Variants in CDH23 observed in about 807,000 individuals in gnomAD.
CDH23 encodes cadherin related 23, also known as cadherin-23.
In CDH23, 189 loss-of-function variants were observed where a neutral mutation model predicts 317.1. The observed-to-expected ratio is 0.60, with a 90% CI of 0.53 to 0.67. The LOEUF (loss-of-function observed/expected upper bound fraction) is 0.67, where lower values mean the gene tolerates loss of function less well. Ranked by LOEUF, CDH23 falls within the 30% of genes least tolerant of loss-of-function variation. CDH23 has a pLI of 0.00. For missense variants in CDH23, 4,401 were observed against 4,592.4 expected (o/e 0.96, Z 1.20); for synonymous variants, 1,839 against 1,876.8 (o/e 0.98, Z 0.52).
rs577939963 is a variant in CDH23, at chr10:71,560,662, G to A, written c.430-6080G>A. Among the ~76,000 whole-genome samples, 10 of 152,078 alleles carry A rather than the reference G, an allele frequency of 6.6e-5. No individual in the cohort carries two copies. The South Asian group carries it at 1.9e-3, about 28-fold the overall frequency. On this transcript the variant is annotated intron_variant, in intron 6 of 69. Coordinates refer to ENST00000224721, the MANE Select transcript of CDH23 (RefSeq NM_022124.6). ...AGCGGAGGTGTATAAAAATGCAACT[G>A]AGGGCAGAGGATGGGAGGGCAGAAT...
In CDH23 at chr10:71,715,991, G is replaced by A. The variant is rs114813838; in HGVS notation, c.3369+3178G>A. 2,390 of 1,496,500 alleles carry A rather than the reference G, an allele frequency of 1.6e-3. 34 individuals carry two copies. The African/African-American group carries it at 0.03, about 19-fold the overall frequency. The allele number at this position is 1,496,500 out of a possible 1,614,324, so 92.7% of individuals were successfully genotyped here. A position where few individuals can be genotyped will look rare whatever the true frequency, so the allele number is the denominator to read the frequency against. On this transcript the variant is annotated intron_variant, in intron 28 of 69. Coordinates refer to ENST00000224721, the MANE Select transcript of CDH23 (RefSeq NM_022124.6). ...GTGGCTGCGGTTGTCCTCGGGGCCC[G>A]GCAGGGGCTGTCGAGGGACGGTGGG...
intron 11 of CDH23, chr10:71,617,645 A>G: frequency 1.8e-6 from 1 of 559,764 alleles, no homozygotes; most frequent in Non-Finnish European, 2.3e-6. Flanking sequence ...AGTTACATAC[A>G]TGATCATCAT....
At chr10:71,804,481 C>A (rs114017016) in intron 55 of CDH23, among the ~76,000 whole-genome samples, 1 of 152,218 alleles carries the variant, frequency 6.6e-6, no homozygotes. Context: ...CCCCCAAACT[C>A]CACCCAGGCT....
chr10:71,714,786 G>A (rs1866136432), intron 28 of CDH23: 1 of 152,310 alleles, frequency 6.6e-6, no homozygotes. Flanking sequence ...GGTCACAGCA[G>A]GATGGGGGTG....
intron 44 of CDH23, 24 bp downstream of exon 44, chr10:71,785,762 G>A (rs1038124937): frequency 6.9e-7 from 1 of 1,448,152 alleles, no homozygotes; most frequent in Non-Finnish European, 9.6e-7. Flanking sequence ...GCACTGGTGG[G>A]AGTGGGCTGG....
chr10:71,790,744 G>A (rs1046070746), intron 46 of CDH23: 14 of 458,630 alleles, frequency 3.1e-5, no homozygotes, highest in South Asian at 1.6e-4. Context: ...TAGCCAGAGC[G>A]ACTTTCCTGT....
chr10:71,719,781 C>A (rs1866462789), intron 28 of CDH23: 1 of 152,530 alleles, frequency 6.6e-6, no homozygotes, highest in Admixed American at 6.5e-5. Flanking sequence ...AGCAGAGTGG[C>A]CTCCCCGTCA....
chr10:71,585,000 T>G (rs1227992266), intron 9 of CDH23, among the ~76,000 whole-genome samples: 1 of 151,520 alleles, frequency 6.6e-6, no homozygotes, highest in Admixed American at 6.6e-5. Flanking sequence ...GCAGCTGGGG[T>G]CGGGGAAGTG....
At chr10:71,636,905 T>C (rs1862302543) in intron 11 of CDH23, among the ~76,000 whole-genome samples, 2 of 152,134 alleles carry the variant, frequency 1.3e-5, no homozygotes, top group Non-Finnish European at 2.9e-5. Context: ...ATGGGCTTGC[T>C]GGGTACCAGG....
At chr10:71,802,841 C>A (rs1564801697) in intron 53 of CDH23, 57 bp from the exon 54 acceptor site, 7 of 1,585,776 alleles carry the variant, frequency 4.4e-6, no homozygotes, top group South Asian at 2.2e-5. Flanking sequence ...ATGACCAGGT[C>A]CGCTGAGGCT....
At chr10:71,517,125 G>T (rs908933244) in intron 6 of CDH23, among the ~76,000 whole-genome samples, 1 of 152,216 alleles carries the variant, frequency 6.6e-6, no homozygotes, top group African/African-American at 2.4e-5. Context: ...CTCTTGGGCG[G>T]TGTGAGGACA....
At chr10:71,514,553 T>C (rs1297568998) in intron 6 of CDH23, among the ~76,000 whole-genome samples, 1 of 152,150 alleles carries the variant, frequency 6.6e-6, no homozygotes, top group Admixed American at 6.5e-5. Flanking sequence ...CCACTCCCTC[T>C]GAAAGCCTCT....
At chr10:71,444,927 G>C (rs1850084132) in intron 2 of CDH23, among the ~76,000 whole-genome samples, 1 of 152,214 alleles carries the variant, frequency 6.6e-6, no homozygotes, top group South Asian at 2.1e-4. Flanking sequence ...TCCTGGTTGG[G>C]AGGGACTGAG....
chr10:71,497,875 A>G (rs1035200919), intron 3 of CDH23, among the ~76,000 whole-genome samples: 2 of 152,150 alleles, frequency 1.3e-5, no homozygotes, highest in African/African-American at 4.8e-5. Flanking sequence ...CCATATCAAG[A>G]ATGCAAATAT....
intron 9 of CDH23, among the ~76,000 whole-genome samples, chr10:71,609,966 G>A (rs1001353525): frequency 6.9e-5 from 7 of 102,154 alleles, no homozygotes; most frequent in African/African-American, 3.8e-4. Context: ...GTGTGTGTGT[G>A]TGTGTGTGTG....
At chr10:71,644,137 C>A (rs146895631) in intron 12 of CDH23, among the ~76,000 whole-genome samples, 4 of 152,242 alleles carry the variant, frequency 2.6e-5, no homozygotes, top group Non-Finnish European at 5.9e-5. Context: ...CACCAGGGAG[C>A]GCTGCAACCT....
intron 3 of CDH23, among the ~76,000 whole-genome samples, chr10:71,460,723 A>G (rs912531925): frequency 2.8e-4 from 43 of 152,128 alleles, no homozygotes; most frequent in African/African-American, 1.0e-3. Context: ...GGTGCCAACC[A>G]TTGTCCCTCC....
At chr10:71,652,171 C>T (rs1479097136) in intron 14 of CDH23, among the ~76,000 whole-genome samples, 1 of 152,146 alleles carries the variant, frequency 6.6e-6, no homozygotes, top group African/African-American at 2.4e-5. Flanking sequence ...GGTAGAGCTC[C>T]ACCTCTCAGC....
intron 3 of CDH23, among the ~76,000 whole-genome samples, chr10:71,465,232 G>T (rs574844771): frequency 6.6e-6 from 1 of 152,338 alleles, no homozygotes; most frequent in African/African-American, 2.4e-5. Flanking sequence ...TTCCATAATG[G>T]CAGTGAAGTC....
Sources: gnomAD v4.1 joint callset for allele counts (sites outside exome capture counted in the v4.1 genomes callset) on GRCh38, gnomAD v4.1.1 for gene constraint, MANE v1.5 for transcripts, NCBI Gene and HGNC (gene_info 2026-07-23, HGNC 2026-07-21) for gene names.